The following PLPPR1 variants were observed in gnomAD, a reference collection of about 807,000 sequenced individuals.
The protein encoded by PLPPR1 is phospholipid phosphatase-related protein type 1.
PLPPR1 carries 10 observed loss-of-function variants against 33.1 expected under a neutral mutation model. That is an observed-to-expected ratio of 0.30 (90% confidence interval 0.19 to 0.51). PLPPR1 has a LOEUF of 0.51. Among genes scored for constraint, PLPPR1 ranks in the 20% least tolerant of loss-of-function variants. PLPPR1 has a pLI of 0.97. For synonymous variants in PLPPR1, 151 were observed against 151.0 expected, an observed-to-expected ratio of 1.00 and a Z score of 0.00; for missense variants, 304 against 408.1, an observed-to-expected ratio of 0.74 and a Z score of 2.20.
At chr9:101,286,328 CATT>C (rs1253214865) in intron 4 of PLPPR1, 92 bp downstream of exon 4, 2 of 1,245,062 alleles carry the variant, frequency 1.6e-6, no homozygotes, top group Admixed American at 4.6e-5. Flanking sequence ...GAAGTATCAA[CATT>C]AAAAGCAAGG....
intron 2 of PLPPR1, among the ~76,000 whole-genome samples, chr9:101,241,430 A>C (rs772737802): frequency 1.3e-5 from 2 of 152,106 alleles, no homozygotes; most frequent in Non-Finnish European, 2.9e-5. Context: ...TGAGCTTTGA[A>C]AAAAATCACA....
intron 2 of PLPPR1, among the ~76,000 whole-genome samples, chr9:101,201,497 T>C (rs1021283615): frequency 6.6e-6 from 1 of 152,108 alleles, no homozygotes; most frequent in Non-Finnish European, 1.5e-5. Flanking sequence ...GATTTGAGGG[T>C]CTGACAAAAT....
At chr9:101,112,095 T>C (rs1464501181) in intron 1 of PLPPR1, among the ~76,000 whole-genome samples, 1 of 152,226 alleles carries the variant, frequency 6.6e-6, no homozygotes, top group Non-Finnish European at 1.5e-5. Flanking sequence ...CTGAGAATCA[T>C]ATTTAAAGAC....
chr9:101,312,793 TC>T lies in PLPPR1; in HGVS notation c.637-3del. 2 of 1,613,802 alleles carry T rather than the reference TC, an allele frequency of 1.2e-6. No homozygotes were observed. The highest frequency in any genetic ancestry group is 1.7e-6 in the Non-Finnish European group (2 of 1,179,918). ...GGTCACTCCCTGGCCTCTGTCCTATTCCAGATGTATATTACAAGCACAATCA... is the reference window on the plus strand; with the variant it reads ...GGTCACTCCCTGGCCTCTGTCCTATTCAGATGTATATTACAAGCACAATCA... On this transcript the variant is annotated splice_region_variant and splice_polypyrimidine_tract_variant and intron_variant, in intron 5 of 7. Transcript: ENST00000374874.
chr9:101,173,267 A>G (rs1825970584), intron 1 of PLPPR1, among the ~76,000 whole-genome samples: 2 of 152,188 alleles, frequency 1.3e-5, no homozygotes, highest in African/African-American at 4.8e-5. Context: ...TCATTTTTAT[A>G]TTAATGAAAT....
rs34265835 is a variant in PLPPR1, at chr9:101,100,387, GT to G, written c.-46+71289del. 1.7e-3 allele frequency among the ~76,000 whole-genome samples: 252 copies of G among 151,924 alleles called. 3 individuals carry two copies. Among genetic ancestry groups the G allele is most frequent in the African/African-American group, 5.8e-3 (241 of 41,440 alleles). On this transcript the variant is annotated intron_variant, in intron 1 of 7. Transcript: ENST00000374874. Reference sequence around the variant, plus strand: ...GACCTGGGAAAGGAATAAGAATTAGGTTTTACCTTCTAATTACTTATTTATT... The same window carrying G: ...GACCTGGGAAAGGAATAAGAATTAGGTTTACCTTCTAATTACTTATTTATT...
intron 4 of PLPPR1, among the ~76,000 whole-genome samples, chr9:101,304,584 GA>G (rs1196795943): frequency 2.0e-5 from 3 of 152,188 alleles, no homozygotes; most frequent in African/African-American, 7.2e-5. Flanking sequence ...TCTAAAATAG[GA>G]GATTTTTCCA....
intron 1 of PLPPR1, among the ~76,000 whole-genome samples, chr9:101,082,032 G>T (rs961407808): frequency 2.0e-5 from 3 of 152,228 alleles, no homozygotes; most frequent in African/African-American, 7.2e-5. Context: ...TTGTCCCTGA[G>T]ATCAAGTCAG....
At chr9:101,218,579 T>C (rs1400024983) in intron 2 of PLPPR1, among the ~76,000 whole-genome samples, 4 of 152,208 alleles carry the variant, frequency 2.6e-5, no homozygotes, top group East Asian at 3.9e-4. Context: ...ATATAGGGCA[T>C]AGTGCAGTGC....
chr9:101,315,187 C>G (rs879326301), intron 6 of PLPPR1, among the ~76,000 whole-genome samples: 2 of 152,084 alleles, frequency 1.3e-5, no homozygotes, highest in South Asian at 2.1e-4. Flanking sequence ...AGTGAGCAGG[C>G]CTCATTTTTT....
intron 1 of PLPPR1, among the ~76,000 whole-genome samples, chr9:101,062,762 G>T (rs1461833425): frequency 2.6e-5 from 4 of 151,964 alleles, no homozygotes; most frequent in Admixed American, 2.6e-4. Flanking sequence ...CAATTATAAG[G>T]TAAGGCAAAA....
intron 7 of PLPPR1, among the ~76,000 whole-genome samples, chr9:101,322,780 T>A (rs1033211125): frequency 3.9e-5 from 6 of 152,138 alleles, no homozygotes. Context: ...CTCTTATTAA[T>A]AAGCAAACAA....
intron 2 of PLPPR1, among the ~76,000 whole-genome samples, chr9:101,258,787 T>G (rs454527): frequency 6.6e-6 from 1 of 152,158 alleles, no homozygotes; most frequent in Non-Finnish European, 1.5e-5. Flanking sequence ...GTTCTATGCC[T>G]TTTGCTCTAC....
At chr9:101,238,635 G>A (rs370815608) in intron 2 of PLPPR1, among the ~76,000 whole-genome samples, 27 of 151,606 alleles carry the variant, frequency 1.8e-4, no homozygotes, top group African/African-American at 5.1e-4. Flanking sequence ...ACTAAAAGGC[G>A]GAAAAATAGG....
At chr9:101,266,149 G>A (rs974180573) in intron 2 of PLPPR1, among the ~76,000 whole-genome samples, 2 of 151,992 alleles carry the variant, frequency 1.3e-5, no homozygotes, top group South Asian at 2.1e-4. Flanking sequence ...AGGGAAGGCC[G>A]GGCGCGGTGG....
intron 1 of PLPPR1, among the ~76,000 whole-genome samples, chr9:101,172,721 G>A (rs1422096804): frequency 6.6e-6 from 1 of 152,044 alleles, no homozygotes; most frequent in Non-Finnish European, 1.5e-5. Flanking sequence ...AACTTGAGAT[G>A]CCATGGCCTC....
In PLPPR1 at chr9:101,324,189, A is replaced by T; in HGVS notation, c.*132A>T. The T allele has an allele frequency of 1.5e-6, 1 of 672,362 alleles. No individual in the cohort carries two copies. Among genetic ancestry groups the T allele is most frequent in the South Asian group, 2.8e-5 (1 of 36,362 alleles). 41.6% of individuals were successfully genotyped at this position (672,362 alleles called of 1,614,324 possible). ...CTAGTTAGAAGCTAATGTTTTGTAC[A>T]TTTTTTGTATGAGGAAGTGATGTAG... On this transcript the variant is annotated 3_prime_UTR_variant, in exon 8 of 8. Coordinates refer to ENST00000374874, the MANE Select transcript of PLPPR1 (RefSeq NM_207299.2).
chr9:101,043,074 C>A (rs566453248), intron 1 of PLPPR1, among the ~76,000 whole-genome samples: 1 of 152,070 alleles, frequency 6.6e-6, no homozygotes, highest in Admixed American at 6.6e-5. Flanking sequence ...CCCTTTCCCC[C>A]TGAGTCCCCA....
At chr9:101,267,750 C>A (rs953498678) in intron 2 of PLPPR1, among the ~76,000 whole-genome samples, 1 of 152,136 alleles carries the variant, frequency 6.6e-6, no homozygotes, top group African/African-American at 2.4e-5. Context: ...CTGTATAATC[C>A]TAGCACTTTG....
Sources: gnomAD v4.1 joint callset for allele counts (sites outside exome capture counted in the v4.1 genomes callset) on GRCh38, gnomAD v4.1.1 for gene constraint, MANE v1.5 for transcripts, NCBI Gene and HGNC (gene_info 2026-07-23, HGNC 2026-07-21) for gene names.